The following OTOA variants were observed in gnomAD, a reference collection of about 807,000 sequenced individuals.
OTOA encodes cancer/testis antigen 108.
OTOA carries 70 observed loss-of-function variants against 110.8 expected under a neutral mutation model. That is an observed-to-expected ratio of 0.63 (90% CI 0.52 to 0.77). The LOEUF is 0.77. Among genes scored for constraint, OTOA ranks in the 30% least tolerant of loss-of-function variants. The pLI is 0.00. For synonymous variants in OTOA, 373 were observed against 431.5 expected, an observed-to-expected ratio of 0.86 and a Z score of 1.68; for missense variants, 917 against 1,075.8, an observed-to-expected ratio of 0.85 and a Z score of 2.06.
intron 6 of OTOA, among the ~76,000 whole-genome samples, chr16:21,683,412 ACT>A (rs1160018853): frequency 4.6e-5 from 7 of 152,066 alleles, no homozygotes; most frequent in African/African-American, 1.7e-4. Flanking sequence ...TACAGATGTG[ACT>A]CTGCGTGGTG....
At chr16:21,715,913 T>G (rs1053892756) in intron 14 of OTOA, among the ~76,000 whole-genome samples, 2 of 152,042 alleles carry the variant, frequency 1.3e-5, no homozygotes, top group Admixed American at 6.6e-5. Context: ...TATTCTGTTT[T>G]TTTGTTTGTT....
chr16:21,677,694 G>A (rs1966861959), intron 1 of OTOA, among the ~76,000 whole-genome samples: 1 of 151,876 alleles, frequency 6.6e-6, no homozygotes, highest in South Asian at 2.1e-4. Context: ...GTGTTAGCCA[G>A]GATGGTCTGG....
rs529795178 is a variant in OTOA, at chr16:21,700,702, G to T, written c.841-186G>T. 2.8e-5 allele frequency among the ~76,000 whole-genome samples: 4 copies of T among 145,256 alleles called. No individual in the cohort carries two copies. In the East Asian group the frequency reaches 7.9e-4, roughly 29 times the overall value. ...ATCATGTCACTGCACTCCAGCCTGG[G>T]CGACAGAGTGAGACTCCATCTCAAA... On this transcript the variant is annotated intron_variant, in intron 10 of 28. Transcript: ENST00000646100.
At chr16:21,671,267 G>GAA (rs987368498) in intron 1 of OTOA, among the ~76,000 whole-genome samples, 21 of 151,974 alleles carry the variant, frequency 1.4e-4, no homozygotes, top group Non-Finnish European at 3.1e-4. Flanking sequence ...TTACAGACGA[G>GAA]AAAATTGGAG....
chr16:21,702,004 G>A (rs1347916467), intron 11 of OTOA, among the ~76,000 whole-genome samples: 1 of 146,208 alleles, frequency 6.8e-6, no homozygotes, highest in Admixed American at 6.9e-5. Context: ...AGGCTGGAGG[G>A]CAGTGGTGCA....
chr16:21,688,925 A>G (rs1396749566), intron 8 of OTOA, among the ~76,000 whole-genome samples: 1 of 152,194 alleles, frequency 6.6e-6, no homozygotes, highest in Non-Finnish European at 1.5e-5. Context: ...TGTGTTTTAA[A>G]GATTCACTGG....
chr16:21,710,654 G>A (rs764701062), intron 13 of OTOA, among the ~76,000 whole-genome samples: 3 of 152,046 alleles, frequency 2.0e-5, no homozygotes, highest in Non-Finnish European at 4.4e-5. Flanking sequence ...GTGACACTAG[G>A]CAATTTGCTA....
intron 13 of OTOA, among the ~76,000 whole-genome samples, chr16:21,710,980 G>A (rs1397726742): frequency 6.6e-6 from 1 of 152,162 alleles, no homozygotes; most frequent in Non-Finnish European, 1.5e-5. Context: ...TCCAGCCTGG[G>A]CGACAGAGCA....
intron 1 of OTOA, among the ~76,000 whole-genome samples, chr16:21,669,739 G>A (rs1441961608): frequency 6.6e-6 from 1 of 152,096 alleles, no homozygotes; most frequent in Non-Finnish European, 1.5e-5. Flanking sequence ...CCAAGTTATT[G>A]TCATCTCTTT....
rs116845834 is a variant in OTOA at position 21,676,596 on chromosome 16, G to T, written c.-4-1915G>T. Among the ~76,000 whole-genome samples, 217 of 152,286 alleles carry T rather than the reference G, an allele frequency of 1.4e-3. 2 individuals carry two copies. The East Asian group carries it at 0.036, about 25-fold the overall frequency. On this transcript the variant is annotated intron_variant, in intron 1 of 28. Coordinates refer to ENST00000646100, the MANE Select transcript of OTOA (RefSeq NM_144672.4). Reference sequence around the variant, plus strand: ...GGTCCAAGGATTGTTCTGCCTACTGGTGGTTCATTCTCCAGCCTCAGGAGG... The same window carrying T: ...GGTCCAAGGATTGTTCTGCCTACTGTTGGTTCATTCTCCAGCCTCAGGAGG...
chr16:21,714,126 C>T (rs1437646051), intron 13 of OTOA, among the ~76,000 whole-genome samples: 1 of 152,096 alleles, frequency 6.6e-6, no homozygotes, highest in African/African-American at 2.4e-5. Context: ...CAAAGCATGT[C>T]CTTGATTATA....
intron 17 of OTOA, among the ~76,000 whole-genome samples, chr16:21,720,288 A>T (rs1450014802): frequency 6.6e-6 from 1 of 152,150 alleles, no homozygotes; most frequent in African/African-American, 2.4e-5. Flanking sequence ...AAGCTAGTAA[A>T]CACAGGCCTT....
At position 21,728,407 on chromosome 16, in the gene OTOA, G is replaced by A. The variant is rs2141719404; in HGVS notation, c.2183G>A (p.Arg728Lys). 6.2e-7 allele frequency: 1 copy of A among 1,614,088 alleles called. No individual in the cohort carries two copies. The highest frequency in any genetic ancestry group is 8.5e-7 in the Non-Finnish European group (1 of 1,179,996). ...DLNPEQKAAVRLKLLGQYGLP... is the reference protein window; with the variant it reads ...DLNPEQKAAVKLKLLGQYGLP... ...AACCCTGAGCAAAAGGCTGCAGTGA[G>A]GCTCAAGCTCCTGGGACAGTATGGG... The change falls in exon 20 of 29, where the codon AGG becomes AAG. Residue 728 changes from arginine to lysine, a missense_variant. Around this residue, in one of 6 missense-constraint regions of OTOA, gnomAD observed 840 missense variants for 910.2 expected, o/e 0.92. Transcript: ENST00000646100.
intron 11 of OTOA, among the ~76,000 whole-genome samples, chr16:21,704,797 G>C (rs1386966703): frequency 2.0e-5 from 3 of 151,780 alleles, no homozygotes; most frequent in African/African-American, 4.8e-5. Context: ...CTGGGGACTG[G>C]GGCAGGTTTT....
Position 21,712,686 on chromosome 16 carries a change from A to AT in OTOA, c.1321-2299_1321-2298insT, listed in dbSNP as rs1392577357. Reference sequence around the variant, plus strand: ...AAACCATGTCTCTACTAAAAATAAAAAAAAAAAAATTAGCTGGGCATGGTG... The same window carrying AT: ...AAACCATGTCTCTACTAAAAATAAAATAAAAAAAAATTAGCTGGGCATGGTG... On this transcript the variant is annotated intron_variant, in intron 13 of 28. Transcript: ENST00000646100. 4.6e-5 allele frequency among the ~76,000 whole-genome samples: 7 copies of AT among 151,072 alleles called. No individual in the cohort carries two copies. In the East Asian group the frequency reaches 1.2e-3, roughly 25 times the overall value.
At chr16:21,721,371 T>C (rs373215725) in intron 17 of OTOA, 13 of 455,422 alleles carry the variant, frequency 2.9e-5, no homozygotes, top group East Asian at 7.0e-5. Flanking sequence ...TAGGGGACTT[T>C]TGGCCATGTC....
intron 13 of OTOA, among the ~76,000 whole-genome samples, chr16:21,711,041 C>T (rs183970340): frequency 2.0e-5 from 3 of 152,182 alleles, no homozygotes; most frequent in Admixed American, 6.5e-5. Context: ...ATCAGTAGCA[C>T]TTATCCTGTA....
chr16:21,701,230 A>G (rs754306224), intron 11 of OTOA, among the ~76,000 whole-genome samples: 23 of 152,134 alleles, frequency 1.5e-4, no homozygotes, highest in Non-Finnish European at 1.8e-4. Context: ...TGAAAGGATA[A>G]ATGCTTTCTG....
chr16:21,725,220 T>A (rs955507348), intron 18 of OTOA, among the ~76,000 whole-genome samples: 4 of 152,300 alleles, frequency 2.6e-5, no homozygotes, highest in Non-Finnish European at 5.9e-5. Flanking sequence ...TTGTAGATAT[T>A]TGCTGGATGA....
Sources: allele counts gnomAD v4.1 joint callset (sites outside exome capture counted in the v4.1 genomes callset), GRCh38; gene constraint gnomAD v4.1.1; regional missense constraint gnomAD v4.1.1; transcripts MANE v1.5; gene names NCBI Gene and HGNC (gene_info 2026-07-23, HGNC 2026-07-21).